The following TENM4 variants were observed in gnomAD, a reference collection of about 807,000 sequenced individuals.
TENM4 encodes teneurin-4.
In TENM4, 82 loss-of-function variants were observed where a neutral mutation model predicts 243.3. The observed-to-expected ratio is 0.34, with a 90% CI of 0.28 to 0.40. The LOEUF is 0.40. Among genes scored for constraint, TENM4 ranks in the 10% least tolerant of loss-of-function variants. The probability of loss-of-function intolerance (pLI) is 1.00; values close to 1 mark genes in which losing one functional copy is unlikely to be tolerated. For missense variants in TENM4, 3,138 were observed against 3,673.3 expected (o/e 0.85, Z 3.77); for synonymous variants, 1,412 against 1,456.3 (o/e 0.97, Z 0.69).
intron 16 of TENM4, among the ~76,000 whole-genome samples, chr11:78,782,460 G>T (rs994354860): frequency 6.6e-6 from 1 of 152,194 alleles, no homozygotes; most frequent in African/African-American, 2.4e-5. Flanking sequence ...AGCCAGGTGT[G>T]GTGGCGGGCG....
At chr11:79,028,961 C>T (rs1413774378) in intron 6 of TENM4, among the ~76,000 whole-genome samples, 2 of 152,092 alleles carry the variant, frequency 1.3e-5, no homozygotes, top group Non-Finnish European at 2.9e-5. Context: ...GATTGAGAAC[C>T]AGTGCCCTAA....
intron 12 of TENM4, among the ~76,000 whole-genome samples, chr11:78,832,223 C>T (rs922566132): frequency 8.5e-5 from 13 of 152,214 alleles, no homozygotes; most frequent in African/African-American, 2.7e-4. Flanking sequence ...TCCTTCCGGG[C>T]CTTCTTGGTC....
intron 6 of TENM4, among the ~76,000 whole-genome samples, chr11:78,997,849 G>A (rs923744185): frequency 7.2e-5 from 11 of 152,154 alleles, no homozygotes; most frequent in Non-Finnish European, 1.0e-4. Flanking sequence ...AGGTAATTAG[G>A]TTTAGATGAA....
At chr11:79,332,397 G>A (rs757868906) in intron 1 of TENM4, among the ~76,000 whole-genome samples, 12 of 152,134 alleles carry the variant, frequency 7.9e-5, no homozygotes, top group Non-Finnish European at 1.3e-4. Context: ...GCTCCATGTG[G>A]CCAGGTGAAA....
intron 1 of TENM4, among the ~76,000 whole-genome samples, chr11:79,416,961 T>C (rs1328794242): frequency 2.0e-5 from 3 of 152,226 alleles, no homozygotes; most frequent in African/African-American, 7.2e-5. Flanking sequence ...CATTCCTTGT[T>C]TGCTAGAAAC....
intron 29 of TENM4, among the ~76,000 whole-genome samples, chr11:78,687,827 T>G (rs1003108949): frequency 6.6e-6 from 1 of 152,216 alleles, no homozygotes; most frequent in Non-Finnish European, 1.5e-5. Flanking sequence ...CCCTACCCTT[T>G]GTTCTGATAA....
chr11:79,130,150 T>C (rs1446011557), intron 4 of TENM4, among the ~76,000 whole-genome samples: 1 of 152,126 alleles, frequency 6.6e-6, no homozygotes, highest in Non-Finnish European at 1.5e-5. Context: ...ATCATTGCAG[T>C]TCGGCTTACA....
intron 9 of TENM4, 29 bp from the exon 10 acceptor site, chr11:78,863,161 T>G: frequency 2.7e-6 from 4 of 1,456,678 alleles, no homozygotes; most frequent in Non-Finnish European, 3.7e-6. Flanking sequence ...AAAGTCATCT[T>G]TTTCTGCTGG....
At chr11:79,112,187 T>C (rs1324503012) in intron 4 of TENM4, among the ~76,000 whole-genome samples, 4 of 152,184 alleles carry the variant, frequency 2.6e-5, no homozygotes, top group Non-Finnish European at 5.9e-5. Flanking sequence ...CACACACACA[T>C]GCATATACCC....
intron 9 of TENM4, among the ~76,000 whole-genome samples, chr11:78,883,678 C>T (rs373713888): frequency 7.2e-5 from 11 of 152,360 alleles, no homozygotes; most frequent in South Asian, 2.1e-4. Context: ...TTCTGCAGCA[C>T]GCAGTGTCTG....
intron 1 of TENM4, among the ~76,000 whole-genome samples, chr11:79,403,805 G>T (rs538632652): frequency 1.3e-5 from 2 of 152,128 alleles, no homozygotes; most frequent in African/African-American, 4.8e-5. Context: ...CAAAAAATCC[G>T]GGGGGTTGAG....
chr11:78,928,904 G>A (rs768293322), intron 6 of TENM4, among the ~76,000 whole-genome samples: 1 of 152,202 alleles, frequency 6.6e-6, no homozygotes, highest in Non-Finnish European at 1.5e-5. Flanking sequence ...ATCTGTGAAG[G>A]TGGCATGAGC....
At chr11:78,817,056 G>C (rs188263869) in intron 12 of TENM4, among the ~76,000 whole-genome samples, 1 of 152,262 alleles carries the variant, frequency 6.6e-6, no homozygotes, top group Admixed American at 6.5e-5. Context: ...TTAATTAAGA[G>C]ATCAAGGGTG....
intron 3 of TENM4, among the ~76,000 whole-genome samples, chr11:79,167,261 G>A (rs1180806044): frequency 6.6e-6 from 1 of 152,180 alleles, no homozygotes; most frequent in Non-Finnish European, 1.5e-5. Context: ...GAAGGGAGAA[G>A]GATAAAGAAC....
At chr11:78,948,138 C>A (rs1338588905) in intron 6 of TENM4, among the ~76,000 whole-genome samples, 1 of 152,186 alleles carries the variant, frequency 6.6e-6, no homozygotes. Flanking sequence ...AGCCCATATA[C>A]TCTTCATCTA....
intron 6 of TENM4, among the ~76,000 whole-genome samples, chr11:79,018,678 C>T (rs34843570): frequency 0.052 from 7,876 of 152,228 alleles, 404 homozygotes; most frequent in African/African-American, 0.13. Flanking sequence ...ACCTCTCCCC[C>T]ACGCTTATTT....
intron 6 of TENM4, among the ~76,000 whole-genome samples, chr11:78,970,008 T>C (rs1023532032): frequency 5.3e-5 from 8 of 152,264 alleles, no homozygotes; most frequent in Non-Finnish European, 7.3e-5. Context: ...ATTCTTTTTC[T>C]TCTCATGTGC....
intron 2 of TENM4, among the ~76,000 whole-genome samples, chr11:79,227,937 T>G (rs1258857003): frequency 6.6e-6 from 1 of 152,182 alleles, no homozygotes; most frequent in Non-Finnish European, 1.5e-5. Context: ...TACCTGCAAC[T>G]GTAGAGGGTA....
At position 78,723,066 on chromosome 11, in the gene TENM4, C is replaced by T. The variant is rs76368382; in HGVS notation, c.3551-149G>A. The T allele has an allele frequency of 7.8e-5, 79 of 1,014,720 alleles. No homozygotes were observed. The East Asian group carries it at 1.9e-3, about 24-fold the overall frequency. 62.9% of individuals were successfully genotyped at this position (1,014,720 alleles called of 1,614,324 possible). On this transcript the variant is annotated intron_variant, in intron 23 of 33. Transcript: ENST00000278550. ...ATAGCCCAAGGCTTTGCCTCACCCC[C>T]CCAATGGAACCCAGATTGTCCTAAA...
Sources: gnomAD v4.1 joint callset for allele counts (sites outside exome capture counted in the v4.1 genomes callset) on GRCh38, gnomAD v4.1.1 for gene constraint, MANE v1.5 for transcripts, NCBI Gene and HGNC (gene_info 2026-07-23, HGNC 2026-07-21) for gene names.